Variants in RPS6KC1 observed in about 807,000 individuals in gnomAD.
RPS6KC1 encodes the protein inactive ribosomal protein S6 kinase delta-1.
In RPS6KC1, 54 loss-of-function variants were observed where a neutral mutation model predicts 103.8. That is an observed-to-expected ratio of 0.52 (90% CI 0.42 to 0.65). RPS6KC1 has a LOEUF of 0.65. Among genes scored for constraint, RPS6KC1 ranks in the 30% least tolerant of loss-of-function variants. RPS6KC1 has a pLI of 0.00. For synonymous variants in RPS6KC1, 439 were observed against 438.7 expected (o/e 1.00, Z -0.01); for missense variants, 1,151 against 1,253.8 (o/e 0.92, Z 1.24).
intron 5 of RPS6KC1, among the ~76,000 whole-genome samples, chr1:213,118,058 G>A (rs1225846691): frequency 1.0e-5 from 1 of 95,834 alleles, no homozygotes; most frequent in Non-Finnish European, 2.3e-5. Context: ...CATTTCTTTA[G>A]CGCATCTGAC....
At chr1:213,096,837 T>C (rs979401484) in intron 3 of RPS6KC1, among the ~76,000 whole-genome samples, 1 of 152,134 alleles carries the variant, frequency 6.6e-6, no homozygotes, top group African/African-American at 2.4e-5. Context: ...AAATAATAAA[T>C]AATAAACCAT....
At chr1:213,297,565 A>G in the RPS6KC1 span, among the ~76,000 whole-genome samples, 1 of 152,184 alleles carries the variant, frequency 6.6e-6, no homozygotes, top group Non-Finnish European at 1.5e-5. Flanking sequence ...CATTTAATGA[A>G]TAAGTAATTT....
At chr1:213,585,570 A>G in the RPS6KC1 span, among the ~76,000 whole-genome samples, 1 of 152,188 alleles carries the variant, frequency 6.6e-6, no homozygotes, top group African/African-American at 2.4e-5. Context: ...GACCTTCAGC[A>G]CCTGGGTGTG....
At chr1:213,218,800 G>T (rs140922746) in intron 8 of RPS6KC1, among the ~76,000 whole-genome samples, 1 of 152,120 alleles carries the variant, frequency 6.6e-6, no homozygotes, top group Non-Finnish European at 1.5e-5. Flanking sequence ...AATGGTGCTG[G>T]GAAAACTGGC....
At chr1:213,498,743 C>T in the RPS6KC1 span, among the ~76,000 whole-genome samples, 697 of 148,542 alleles carry the variant, frequency 4.7e-3, 4 homozygotes, top group Middle Eastern at 0.015. Flanking sequence ...CATGAGCCAC[C>T]GTGCCCGGCC....
chr1:213,566,452 T>G, the RPS6KC1 span, among the ~76,000 whole-genome samples: 2 of 24,046 alleles, frequency 8.3e-5, no homozygotes, highest in East Asian at 1.6e-3. Context: ...TTTTTTTTTT[T>G]TTTTTTTTTT....
chr1:213,072,045 A>G (rs1420473989), intron 2 of RPS6KC1, among the ~76,000 whole-genome samples: 1 of 152,038 alleles, frequency 6.6e-6, no homozygotes, highest in Non-Finnish European at 1.5e-5. Context: ...CAATTTCACT[A>G]AGACTAGAAG....
At chr1:213,121,068 C>T (rs2084325080) in intron 5 of RPS6KC1, among the ~76,000 whole-genome samples, 1 of 152,128 alleles carries the variant, frequency 6.6e-6, no homozygotes, top group African/African-American at 2.4e-5. Context: ...GCTGGGACTA[C>T]AGGCAGGCAC....
At chr1:213,277,974 CG>C (rs2095115314), downstream of RPS6KC1, among the ~76,000 whole-genome samples, 1 of 152,036 alleles carries the variant, frequency 6.6e-6, no homozygotes, top group African/African-American at 2.4e-5. Flanking sequence ...GAGGCCAAGG[CG>C]GGTGAATTGA....
chr1:213,782,207 C>T, the RPS6KC1 span, among the ~76,000 whole-genome samples: 2 of 152,106 alleles, frequency 1.3e-5, no homozygotes, highest in African/African-American at 4.8e-5. Flanking sequence ...CAACACACAG[C>T]CCCTGAAGGG....
At chr1:213,176,632 A>G in intron 8 of RPS6KC1, 140 bp downstream of exon 8, 1 of 508,736 alleles carries the variant, frequency 2.0e-6, no homozygotes, top group Non-Finnish European at 3.5e-6. Flanking sequence ...CAATAACAAA[A>G]GCAAAAGAGA....
intron 6 of RPS6KC1, among the ~76,000 whole-genome samples, chr1:213,152,474 C>T (rs2089277087): frequency 6.6e-6 from 1 of 151,808 alleles, no homozygotes; most frequent in Non-Finnish European, 1.5e-5. Flanking sequence ...GGGCTCCTCA[C>T]TTCCCAGACG....
chr1:213,326,090 G>A, the RPS6KC1 span, among the ~76,000 whole-genome samples: 2 of 152,080 alleles, frequency 1.3e-5, no homozygotes, highest in Non-Finnish European at 2.9e-5. Flanking sequence ...GTGAGCACCT[G>A]AGAAAGAGAG....
At chr1:213,503,583 G>A in the RPS6KC1 span, among the ~76,000 whole-genome samples, 3 of 152,214 alleles carry the variant, frequency 2.0e-5, no homozygotes, top group Non-Finnish European at 2.9e-5. Context: ...TACAAAAGAT[G>A]TTCCTGCCTA....
At chr1:213,813,674 T>C in the RPS6KC1 span, among the ~76,000 whole-genome samples, 1 of 152,200 alleles carries the variant, frequency 6.6e-6, no homozygotes, top group African/African-American at 2.4e-5. Context: ...AAGGCTGTGT[T>C]CTTCAGGAGA....
the RPS6KC1 span, among the ~76,000 whole-genome samples, chr1:213,532,004 A>G: frequency 6.6e-6 from 1 of 152,180 alleles, no homozygotes; most frequent in Admixed American, 6.5e-5. Context: ...TCCTAGCTCG[A>G]GTATGCTTTT....
chr1:213,748,310 C>G, the RPS6KC1 span, among the ~76,000 whole-genome samples: 1 of 152,182 alleles, frequency 6.6e-6, no homozygotes, highest in Non-Finnish European at 1.5e-5. Context: ...TGTCTAGAAA[C>G]AATTCACGTT....
chr1:213,128,431 C>T (rs531311651), intron 5 of RPS6KC1, among the ~76,000 whole-genome samples: 1 of 152,164 alleles, frequency 6.6e-6, no homozygotes, highest in East Asian at 1.9e-4. Context: ...AGATACAATT[C>T]ACATGAACAA....
At chr1:213,344,195 C>T in the RPS6KC1 span, among the ~76,000 whole-genome samples, 653 of 152,192 alleles carry the variant, frequency 4.3e-3, 9 homozygotes, top group African/African-American at 0.015. Flanking sequence ...CCCAGTCTGC[C>T]AGCTGTGCAA....
Sources: gnomAD v4.1 joint callset for allele counts (sites outside exome capture counted in the v4.1 genomes callset) on GRCh38, gnomAD v4.1.1 for gene constraint, MANE v1.5 for transcripts, NCBI Gene and HGNC (gene_info 2026-07-23, HGNC 2026-07-21) for gene names.